The following UNC5B variants were observed in gnomAD, a reference collection of about 807,000 sequenced individuals.
UNC5B encodes unc-5 netrin receptor B.
UNC5B carries 56 observed loss-of-function variants against 103.7 expected under a neutral mutation model. The observed-to-expected ratio is 0.54, with a 90% CI of 0.44 to 0.67. The LOEUF (loss-of-function observed/expected upper bound fraction) is 0.67, where lower values mean the gene tolerates loss of function less well. Ranked by LOEUF, UNC5B falls within the 30% of genes least tolerant of loss-of-function variation. The pLI is 0.00. For synonymous variants in UNC5B, 577 were observed against 542.0 expected (o/e 1.06, Z -0.90); for missense variants, 1,194 against 1,284.5 (o/e 0.93, Z 1.08).
chr10:71,214,004 G>A (rs1159824199), intron 1 of UNC5B, among the ~76,000 whole-genome samples: 1 of 152,042 alleles, frequency 6.6e-6, no homozygotes, highest in Admixed American at 6.6e-5. Flanking sequence ...CGCTGGCTGG[G>A]CTGCGTCTTC....
rs1293515297 is a variant in UNC5B at position 71,213,409 on chromosome 10, C to G, written c.79+345C>G. ...CTCTCCGCGCGCCTGGCATCCGCCC[C>G]GAAAAAGAACATTGGCTACATAAGC... On this transcript the variant is annotated intron_variant, in intron 1 of 16. Coordinates refer to ENST00000335350, the MANE Select transcript of UNC5B (RefSeq NM_170744.5). The surrounding 1 kb of genome is among the most constrained non-coding windows in gnomAD (Gnocchi z 4.1). Among the ~76,000 whole-genome samples, 2 of 152,074 alleles carry G rather than the reference C, an allele frequency of 1.3e-5. No homozygotes were observed. Among genetic ancestry groups the G allele is most frequent in the Non-Finnish European group, 2.9e-5 (2 of 68,014 alleles).
rs370243063 is a variant in UNC5B, at chr10:71,291,704, C to T, written c.1567C>T (p.His523Tyr). 7 of 1,612,926 alleles carry T rather than the reference C, an allele frequency of 4.3e-6. No individual in the cohort carries two copies. In the South Asian group the frequency reaches 6.6e-5, roughly 15 times the overall value. The change falls in exon 10 of 17, where the codon CAC (histidine) becomes TAC (tyrosine). Residue 523 changes from histidine to tyrosine, a missense_variant. Physicochemically the swap from His to Tyr is moderately conservative, Grantham distance 83. Coordinates refer to ENST00000335350, the MANE Select transcript of UNC5B (RefSeq NM_170744.5). Reference sequence around the variant, plus strand: ...TTTCGCCCGGGACACCCACTTCCTGCACCTGCGCAGCGCCAGCCTCGGTTC... The same window carrying T: ...TTTCGCCCGGGACACCCACTTCCTGTACCTGCGCAGCGCCAGCCTCGGTTC... Reference protein sequence around the residue: ...SDFARDTHFLHLRSASLGSQQ... With the variant: ...SDFARDTHFLYLRSASLGSQQ...
chr10:71,235,115 CCTCTGA>C (rs750221612), intron 1 of UNC5B, among the ~76,000 whole-genome samples: 1,528 of 151,472 alleles, frequency 0.01, 15 homozygotes, highest in Non-Finnish European at 0.017. Flanking sequence ...TCTGCCTCTG[CCTCTGA>C]CAGACATCCC....
At chr10:71,295,332 A>AT (rs1258025157) in intron 13 of UNC5B, among the ~76,000 whole-genome samples, 1 of 152,068 alleles carries the variant, frequency 6.6e-6, no homozygotes, top group African/African-American at 2.4e-5. Context: ...TTCTTTGTTT[A>AT]TTCAACCCTC....
At chr10:71,284,073 G>A (rs1015533634) in intron 2 of UNC5B, among the ~76,000 whole-genome samples, 8 of 152,210 alleles carry the variant, frequency 5.3e-5, no homozygotes, top group African/African-American at 1.9e-4. Flanking sequence ...GGGAGGAGAC[G>A]AAGCTGGGTA....
At chr10:71,293,177 G>A (rs1845310574) in intron 11 of UNC5B, among the ~76,000 whole-genome samples, 1 of 152,152 alleles carries the variant, frequency 6.6e-6, no homozygotes, top group African/African-American at 2.4e-5. Flanking sequence ...CAGGAATTTT[G>A]AGCTATGATA....
At chr10:71,222,779 C>T (rs1241782420) in intron 1 of UNC5B, among the ~76,000 whole-genome samples, 2 of 152,232 alleles carry the variant, frequency 1.3e-5, no homozygotes, top group Non-Finnish European at 2.9e-5. Flanking sequence ...GCCTGCAACC[C>T]CCAGAGGCCC....
chr10:71,232,362 A>G (rs571838762), intron 1 of UNC5B, among the ~76,000 whole-genome samples: 1 of 152,366 alleles, frequency 6.6e-6, no homozygotes, highest in Admixed American at 6.5e-5. Flanking sequence ...TCTTGTGTTC[A>G]TGAGGGAAAT....
chr10:71,274,380 A>C (rs1453151135), intron 1 of UNC5B, among the ~76,000 whole-genome samples: 1 of 152,120 alleles, frequency 6.6e-6, no homozygotes, highest in Non-Finnish European at 1.5e-5. Flanking sequence ...AAAATAAAAT[A>C]AAATAGAAAT....
intron 1 of UNC5B, among the ~76,000 whole-genome samples, chr10:71,214,213 C>G (rs1843288775): frequency 6.6e-6 from 1 of 152,126 alleles, no homozygotes; most frequent in South Asian, 2.1e-4. Flanking sequence ...ACGCAGCCCT[C>G]CCCACCTCCT....
chr10:71,284,599 TG>T, intron 2 of UNC5B, 120 bp from the exon 3 acceptor site: 1 of 1,420,686 alleles, frequency 7.0e-7, no homozygotes, highest in South Asian at 1.3e-5. Context: ...ACAAGAGGAA[TG>T]GAGGGAAAGG....
chr10:71,266,500 C>T (rs1244254320), intron 1 of UNC5B, among the ~76,000 whole-genome samples: 1 of 152,202 alleles, frequency 6.6e-6, no homozygotes, highest in Non-Finnish European at 1.5e-5. Flanking sequence ...CAGGTGCAAA[C>T]AAGCAGGCGG....
chr10:71,243,822 A>G (rs1843962529), intron 1 of UNC5B, among the ~76,000 whole-genome samples: 1 of 152,268 alleles, frequency 6.6e-6, no homozygotes, highest in Non-Finnish European at 1.5e-5. Flanking sequence ...CCTCGTGATA[A>G]TAACATTGGT....
intron 1 of UNC5B, among the ~76,000 whole-genome samples, chr10:71,229,221 G>C (rs1843632767): frequency 6.6e-6 from 1 of 152,218 alleles, no homozygotes; most frequent in African/African-American, 2.4e-5. Context: ...CCCATTTTAA[G>C]GATTGGTCAG....
intron 15 of UNC5B, among the ~76,000 whole-genome samples, chr10:71,297,392 T>C (rs2132318169): frequency 6.6e-6 from 1 of 152,358 alleles, no homozygotes; most frequent in East Asian, 1.9e-4. Context: ...CCCAGGTTGA[T>C]GCAAGGACCA....
intron 1 of UNC5B, among the ~76,000 whole-genome samples, chr10:71,271,430 C>A (rs1038937766): frequency 1.3e-5 from 2 of 152,174 alleles, no homozygotes; most frequent in African/African-American, 4.8e-5. Context: ...AACAGAATAT[C>A]CCCTCCTCAG....
intron 1 of UNC5B, among the ~76,000 whole-genome samples, chr10:71,263,561 C>T (rs1437512369): frequency 6.6e-6 from 1 of 152,202 alleles, no homozygotes; most frequent in African/African-American, 2.4e-5. Context: ...GCCCCCAGCC[C>T]CCAGCCGAGA....
chr10:71,254,681 A>G (rs1283049417), intron 1 of UNC5B, among the ~76,000 whole-genome samples: 1 of 152,192 alleles, frequency 6.6e-6, no homozygotes, highest in East Asian at 1.9e-4. Flanking sequence ...ATCCCCAGAG[A>G]GGCCTTCCTG....
At chr10:71,295,671 C>T in intron 13 of UNC5B, 140 bp from the exon 14 acceptor site, 1 of 960,230 alleles carries the variant, frequency 1.0e-6, no homozygotes, top group South Asian at 1.6e-5. Flanking sequence ...TCTTCTCACA[C>T]CATAAGCCCT....
Sources: gnomAD v4.1 joint callset for allele counts (sites outside exome capture counted in the v4.1 genomes callset) on GRCh38, gnomAD v4.1.1 for gene constraint, Gnocchi (gnomAD v3.1) non-coding constraint, MANE v1.5 for transcripts, NCBI Gene and HGNC (gene_info 2026-07-23, HGNC 2026-07-21) for gene names.